The following PMS1 variants were observed in gnomAD, a reference collection of about 807,000 sequenced individuals.
The protein encoded by PMS1 is PMS1 protein homolog 1.
PMS1 carries 79 observed loss-of-function variants against 93.1 expected under a neutral mutation model. The ratio of observed to expected loss-of-function variants is 0.85; its 90% confidence interval spans 0.71 to 1.02. PMS1 has a LOEUF of 1.02. Ranked by LOEUF, PMS1 falls within the 50% of genes least tolerant of loss-of-function variation. PMS1 has a pLI of 0.00. For missense variants in PMS1, 1,064 were observed against 1,085.3 expected (o/e 0.98, Z 0.28); for synonymous variants, 335 against 363.4 (o/e 0.92, Z 0.89).
Position 189,864,103 on chromosome 2 carries a change from A to T in PMS1, c.2217A>T (p.Thr739=). 1 of 1,613,772 alleles carries T rather than the reference A, an allele frequency of 6.2e-7. No homozygotes were observed. Residue 739 remains threonine, a synonymous_variant, in exon 10 of 13, where the codon ACA becomes ACT. Transcript: ENST00000441310. ...GGTTTCCTGATGCATGGCTAATGAC[A>T]TCCAAAACAGAGGTAATGTTATTAA... is the stretch of plus-strand genomic sequence containing the variant. ...NLRFPDAWLM[T]SKTEVMLLNP...
In PMS1 at chr2:189,854,311, G is replaced by C. The variant is rs1196147116; in HGVS notation, c.1039G>C (p.Glu347Gln). Reference protein sequence around the residue: ...YGPLPSTNSYENNKTDVSAAD... With the variant: ...YGPLPSTNSYQNNKTDVSAAD... Reference sequence around the variant, plus strand: ...ACCATTACCTAGTACAAATTCTTATGAAAATAATAAAACAGATGTTTCCGC... The same window carrying C: ...ACCATTACCTAGTACAAATTCTTATCAAAATAATAAAACAGATGTTTCCGC... Residue 347 changes from glutamate to glutamine, a missense_variant, in exon 9 of 13, where the codon GAA becomes CAA. Glu to Gln is a conservative substitution (Grantham distance 29). Transcript: ENST00000441310. 19 of 1,592,542 alleles carry C rather than the reference G, an allele frequency of 1.2e-5. No homozygotes were observed. Among genetic ancestry groups the C allele is most frequent in the Non-Finnish European group, 1.6e-5 (19 of 1,170,642 alleles).
At chr2:189,871,298 A>T (rs549883675) in intron 11 of PMS1, among the ~76,000 whole-genome samples, 1 of 152,032 alleles carries the variant, frequency 6.6e-6, no homozygotes, top group Non-Finnish European at 1.5e-5. Context: ...TAACACTAAT[A>T]ATAGCTCATG....
At chr2:189,796,633 T>C (rs1335367591) in intron 3 of PMS1, among the ~76,000 whole-genome samples, 1 of 152,218 alleles carries the variant, frequency 6.6e-6, no homozygotes, top group East Asian at 1.9e-4. Context: ...ATTTGTTCTT[T>C]TGTATCTGGC....
Position 189,864,046 on chromosome 2 carries a change from G to A in PMS1, c.2160G>A (p.Glu720=). 1 of 1,612,406 alleles carries A rather than the reference G, an allele frequency of 6.2e-7. No individual in the cohort carries two copies. The highest frequency in any genetic ancestry group is 2.2e-5 in the East Asian group (1 of 44,846). ...FKKQNKVDLE[E]KDEPCLIHNL... is the part of the protein sequence containing the mutation. ...AACAAAACAAAGTTGACTTAGAAGAGAAGGATGAACCTTGCTTGATCCACA... is the reference window on the plus strand; with the variant it reads ...AACAAAACAAAGTTGACTTAGAAGAAAAGGATGAACCTTGCTTGATCCACA... The change falls in exon 10 of 13, where the codon GAG becomes GAA. Residue 720 remains glutamate (E), a synonymous_variant. Transcript: ENST00000441310.
At chr2:189,855,645 T>C in intron 9 of PMS1, among the ~76,000 whole-genome samples, 1 of 152,028 alleles carries the variant, frequency 6.6e-6, no homozygotes, top group East Asian at 1.9e-4. Flanking sequence ...TTCTATTCAG[T>C]ATAACTTAAG....
intron 6 of PMS1, among the ~76,000 whole-genome samples, chr2:189,849,841 C>G (rs181134273): frequency 3.8e-4 from 57 of 150,408 alleles, no homozygotes; most frequent in Admixed American, 7.3e-4. Flanking sequence ...CAAGCAGCTC[C>G]AGACAGTGGC....
chr2:189,792,992 T>G (rs1306513651), intron 2 of PMS1, among the ~76,000 whole-genome samples: 1 of 151,990 alleles, frequency 6.6e-6, no homozygotes, highest in South Asian at 2.1e-4. Flanking sequence ...GTATTTTTAG[T>G]AGAGATGGGG....
At chr2:189,800,758 T>C (rs946105259) in intron 3 of PMS1, among the ~76,000 whole-genome samples, 1 of 152,206 alleles carries the variant, frequency 6.6e-6, no homozygotes, top group Non-Finnish European at 1.5e-5. Context: ...AGTGGATCGA[T>C]ATGTAATTGG....
rs147648963 is a variant in PMS1 at position 189,874,957 on chromosome 2, T to C, written c.2634+1301T>C. On this transcript the variant is annotated intron_variant, in intron 12 of 12. Coordinates refer to ENST00000441310, the MANE Select transcript of PMS1 (RefSeq NM_000534.5). ...AAAGTAAATTGGGACTGGTTTTAAA[T>C]ATTTTTTTGCTAATACTTTACCTTT... is the stretch of plus-strand genomic sequence containing the variant. Among the ~76,000 whole-genome samples, 35 of 152,132 alleles carry C rather than the reference T, an allele frequency of 2.3e-4. No individual in the cohort carries two copies. The East Asian group carries it at 6.6e-3, about 29-fold the overall frequency.
intron 5 of PMS1, among the ~76,000 whole-genome samples, chr2:189,829,694 CCAGA>C (rs2052753049): frequency 6.6e-6 from 1 of 152,210 alleles, no homozygotes; most frequent in Non-Finnish European, 1.5e-5. Flanking sequence ...CTTCATGCTG[CCAGA>C]CAGTCATACT....
intron 1 of PMS1, among the ~76,000 whole-genome samples, chr2:189,788,417 T>C (rs1319572219): frequency 6.6e-6 from 1 of 152,150 alleles, no homozygotes; most frequent in East Asian, 1.9e-4. Context: ...CTCACCACAA[T>C]CATATGATAT....
At chr2:189,796,446 T>A (rs1296475145) in intron 3 of PMS1, among the ~76,000 whole-genome samples, 1 of 152,234 alleles carries the variant, frequency 6.6e-6, no homozygotes, top group Non-Finnish European at 1.5e-5. Context: ...TTAGCTACAG[T>A]CACATTGTCG....
intron 5 of PMS1, among the ~76,000 whole-genome samples, chr2:189,839,292 A>G (rs998950891): frequency 7.2e-5 from 11 of 152,284 alleles, no homozygotes; most frequent in East Asian, 1.9e-4. Flanking sequence ...CACCTGGCCT[A>G]TGATCACATT....
At chr2:189,838,440 C>T (rs568451121) in intron 5 of PMS1, among the ~76,000 whole-genome samples, 5 of 152,276 alleles carry the variant, frequency 3.3e-5, no homozygotes, top group East Asian at 1.9e-4. Context: ...AGAGACTCAA[C>T]ACTCAACACT....
intron 6 of PMS1, among the ~76,000 whole-genome samples, chr2:189,845,036 T>G (rs1278491222): frequency 6.6e-6 from 1 of 152,012 alleles, no homozygotes; most frequent in Non-Finnish European, 1.5e-5. Flanking sequence ...TTTTGTATTT[T>G]TAGTGGAGAC....
At chr2:189,793,941 C>G (rs150895596) in intron 2 of PMS1, among the ~76,000 whole-genome samples, 1 of 152,150 alleles carries the variant, frequency 6.6e-6, no homozygotes, top group South Asian at 2.1e-4. Context: ...GTTCTTATTA[C>G]GGGATTTCGA....
At chr2:189,836,576 T>C (rs2053402144) in intron 5 of PMS1, among the ~76,000 whole-genome samples, 1 of 152,244 alleles carries the variant, frequency 6.6e-6, no homozygotes, top group Admixed American at 6.5e-5. Flanking sequence ...GTATTCCCAG[T>C]TCTTATTCAT....
intron 6 of PMS1, among the ~76,000 whole-genome samples, chr2:189,844,574 G>A (rs1486968454): frequency 1.3e-5 from 2 of 149,898 alleles, no homozygotes; most frequent in African/African-American, 4.9e-5. Flanking sequence ...AATCCAGGAG[G>A]CAGAGGTTGC....
At chr2:189,841,012 T>C (rs1323126032) in intron 5 of PMS1, among the ~76,000 whole-genome samples, 1 of 152,188 alleles carries the variant, frequency 6.6e-6, no homozygotes, top group East Asian at 1.9e-4. Flanking sequence ...CTTTACTTTT[T>C]GAGAATTCCC....
Sources: gnomAD v4.1 joint callset for allele counts (sites outside exome capture counted in the v4.1 genomes callset) on GRCh38, gnomAD v4.1.1 for gene constraint, MANE v1.5 for transcripts, NCBI Gene and HGNC (gene_info 2026-07-23, HGNC 2026-07-21) for gene names.